MS4A4A: variants seen among roughly 807,000 people sequenced by gnomAD.
MS4A4A encodes membrane-spanning 4-domains subfamily A member 4A.
Under a neutral mutation model 28.0 loss-of-function variants are expected in MS4A4A, and 26 were observed. That is an observed-to-expected ratio of 0.93 (90% CI 0.68 to 1.29). MS4A4A has a LOEUF of 1.29. Among genes scored for constraint, MS4A4A ranks in the 50% most tolerant of loss-of-function variants. The pLI is 0.00. For missense variants in MS4A4A, 290 were observed against 293.1 expected (o/e 0.99, Z 0.08); for synonymous variants, 86 against 100.8 (o/e 0.85, Z 0.88).
chr11:60,286,426 C>T (rs2084804105), intron 1 of MS4A4A, among the ~76,000 whole-genome samples: 1 of 152,154 alleles, frequency 6.6e-6, no homozygotes, highest in Admixed American at 6.5e-5. Flanking sequence ...AATTTATATT[C>T]AGAGATTGCA....
At chr11:60,292,169 C>A in intron 1 of MS4A4A, 56 bp from the exon 2 acceptor site, 1 of 1,481,534 alleles carries the variant, frequency 6.7e-7, no homozygotes, top group South Asian at 1.4e-5. Flanking sequence ...CCCAAAGTGT[C>A]ATGTCCTCTT....
intron 2 of MS4A4A, among the ~76,000 whole-genome samples, chr11:60,294,892 ACTTCTTCTTCTTCTTCTTCTTCTTCTT>A (rs71036569): frequency 9.2e-5 from 12 of 130,942 alleles, no homozygotes; most frequent in Admixed American, 2.4e-4. Context: ...TACAACTACT[ACTTCTTCTTCTTCTTCTTCTTCTTCTT>A]CTTCTTCTTC....
At chr11:60,286,717 A>G (rs549843424) in intron 1 of MS4A4A, among the ~76,000 whole-genome samples, 181 of 152,294 alleles carry the variant, frequency 1.2e-3, no homozygotes, top group African/African-American at 4.1e-3. Context: ...TCTTTAGGCT[A>G]GTCTTTGCAT....
At chr11:60,282,878 T>A (rs1045598738) in intron 1 of MS4A4A, 4 of 578,750 alleles carry the variant, frequency 6.9e-6, no homozygotes, top group Non-Finnish European at 1.0e-5. Flanking sequence ...TTGTATTTGA[T>A]CATTCTGGCT....
chr11:60,302,803 C>G, intron 5 of MS4A4A, 86 bp downstream of exon 5: 7 of 1,260,460 alleles, frequency 5.6e-6, no homozygotes, highest in Non-Finnish European at 7.8e-6. Flanking sequence ...ATTAATATTC[C>G]CTAATTGATG....
At chr11:60,300,615 CAAAA>C (rs760648433) in intron 3 of MS4A4A, among the ~76,000 whole-genome samples, 7 of 36,030 alleles carry the variant, frequency 1.9e-4, no homozygotes, top group East Asian at 1.0e-3. Context: ...GACTCCGTCT[CAAAA>C]AAAAAAAAAA....
At chr11:60,291,796 C>CAAAAAAAAAAAAAAA (rs60913455) in intron 1 of MS4A4A, among the ~76,000 whole-genome samples, 3 of 133,964 alleles carry the variant, frequency 2.2e-5, no homozygotes, top group Non-Finnish European at 3.1e-5. Flanking sequence ...GACTCCATCT[C>CAAAAAAAAAAAAAAA]AAAAAAAAAA....
At chr11:60,297,939 T>C (rs1271905339) in intron 3 of MS4A4A, among the ~76,000 whole-genome samples, 5 of 152,086 alleles carry the variant, frequency 3.3e-5, no homozygotes, top group African/African-American at 1.2e-4. Flanking sequence ...TAATATCTAG[T>C]CTACTGACTA....
In MS4A4A at chr11:60,308,270, C is replaced by T. The variant is rs945560416; in HGVS notation, c.*92C>T. 39 of 1,092,154 alleles carry T rather than the reference C, an allele frequency of 3.6e-5. No individual in the cohort carries two copies. Among genetic ancestry groups the T allele is most frequent in the Middle Eastern group, 2.0e-4 (1 of 4,968 alleles). 67.7% of individuals were successfully genotyped at this position (1,092,154 alleles called of 1,614,324 possible). ...ATGAGAAATTACCAGTATCCAACTTCGATACTGATAGACTTGTTGATATTA... is the reference window on the plus strand; with the variant it reads ...ATGAGAAATTACCAGTATCCAACTTTGATACTGATAGACTTGTTGATATTA... On this transcript the variant is annotated 3_prime_UTR_variant, in exon 7 of 7. Transcript: ENST00000337908.
At chr11:60,301,184 C>G (rs116580535) in intron 4 of MS4A4A, 127 bp downstream of exon 4, 1 of 729,728 alleles carries the variant, frequency 1.4e-6, no homozygotes, top group African/African-American at 1.8e-5. Flanking sequence ...TGCATTTTAC[C>G]TACTAGAATC....
At chr11:60,284,690 G>A (rs2084788725) in intron 1 of MS4A4A, among the ~76,000 whole-genome samples, 1 of 152,200 alleles carries the variant, frequency 6.6e-6, no homozygotes, top group Non-Finnish European at 1.5e-5. Context: ...AATGATAATG[G>A]AGTTTATGAG....
Position 60,308,271 on chromosome 11 carries a change from G to A in MS4A4A, c.*93G>A, listed in dbSNP as rs572439668. 17 of 1,064,452 alleles carry A rather than the reference G, an allele frequency of 1.6e-5. No homozygotes were observed. Among genetic ancestry groups the A allele is most frequent in the East Asian group, 4.8e-5 (2 of 42,066 alleles). 65.9% of individuals were successfully genotyped at this position (1,064,452 alleles called of 1,614,324 possible). A position where few individuals can be genotyped will look rare whatever the true frequency, so the allele number is the denominator to read the frequency against. On this transcript the variant is annotated 3_prime_UTR_variant, in exon 7 of 7. Coordinates refer to ENST00000337908, the MANE Select transcript of MS4A4A (RefSeq NM_148975.3). ...TGAGAAATTACCAGTATCCAACTTC[G>A]ATACTGATAGACTTGTTGATATTAT...
In MS4A4A at chr11:60,301,116, T is replaced by C. The variant is rs536402796; in HGVS notation, c.387+59T>C. The stretch of plus-strand genomic sequence containing the variant: ...AAGGAAGGATTAATAAAAAATGTAT[T>C]CTGCCAGGGTGTAAAACAGGTTTTG... On this transcript the variant is annotated intron_variant, in intron 4 of 6. Transcript: ENST00000337908. 19 of 1,315,318 alleles carry C rather than the reference T, an allele frequency of 1.4e-5. No individual in the cohort carries two copies. The South Asian group carries it at 1.9e-4, about 13-fold the overall frequency. The allele number at this position is 1,315,318 out of a possible 1,614,324, so 81.5% of individuals were successfully genotyped here.
chr11:60,282,557 T>C, intron 1 of MS4A4A: 1 of 1,277,212 alleles, frequency 7.8e-7, no homozygotes, highest in Non-Finnish European at 1.0e-6. Context: ...TGTGAGAAGA[T>C]TAGATGATGT....
At chr11:60,296,299 G>A (rs1329712353) in intron 2 of MS4A4A, among the ~76,000 whole-genome samples, 1 of 151,810 alleles carries the variant, frequency 6.6e-6, no homozygotes, top group Non-Finnish European at 1.5e-5. Flanking sequence ...TAATTTCTAT[G>A]GGAACTGTAT....
At chr11:60,280,788 T>C (rs1459018766) in intron 1 of MS4A4A, 72 bp downstream of exon 1, 25 of 1,572,120 alleles carry the variant, frequency 1.6e-5, no homozygotes, top group Non-Finnish European at 1.7e-6. Flanking sequence ...TAAGAATTTC[T>C]GGGAGGGGAA....
intron 4 of MS4A4A, 127 bp from the exon 5 acceptor site, chr11:60,302,429 TAGA>T (rs1467130198): frequency 1.1e-6 from 1 of 924,546 alleles, no homozygotes; most frequent in African/African-American, 1.7e-5. Flanking sequence ...CAAGACAAGT[TAGA>T]AGACTATTGA....
intron 3 of MS4A4A, among the ~76,000 whole-genome samples, chr11:60,300,241 T>A (rs1180588274): frequency 6.6e-6 from 1 of 152,224 alleles, no homozygotes; most frequent in Non-Finnish European, 1.5e-5. Flanking sequence ...AATTGCCTAT[T>A]GATGGAATCA....
In MS4A4A at chr11:60,306,110, G is replaced by A. The variant is rs769551669; in HGVS notation, c.557G>A (p.Gly186Asp). 6.2e-7 allele frequency: 1 copy of A among 1,612,224 alleles called. No homozygotes were observed. Among genetic ancestry groups the A allele is most frequent in the East Asian group, 2.2e-5 (1 of 44,868 alleles). ...TGAGTTTTCTCCTAGGGTCTGGATG[G>A]CATGGTGCTCCTCCTAAGTGTGCTG... ...GTMSILMGLD[G>D]MVLLLSVLEF... The change falls in exon 6 of 7, where the codon GGC (glycine) becomes GAC (aspartate). Residue 186 changes from glycine (G) to aspartate (D), a missense_variant. Transcript: ENST00000337908.
Sources: gnomAD v4.1 joint callset for allele counts (sites outside exome capture counted in the v4.1 genomes callset) on GRCh38, gnomAD v4.1.1 for gene constraint, MANE v1.5 for transcripts, NCBI Gene and HGNC (gene_info 2026-07-23, HGNC 2026-07-21) for gene names.